The following SLC6A19 variants were observed in gnomAD, a reference collection of about 807,000 sequenced individuals.
SLC6A19 encodes the protein solute carrier family 6 member 19.
A neutral mutation model predicts 68.3 loss-of-function variants in SLC6A19; 67 were observed. The observed-to-expected ratio is 0.98, with a 90% CI of 0.81 to 1.20. The LOEUF (loss-of-function observed/expected upper bound fraction) is 1.20. Ranked by LOEUF, SLC6A19 falls within the 50% of genes most tolerant of loss-of-function variation. The probability of loss-of-function intolerance (pLI) is 0.00; values close to 1 mark genes in which losing one functional copy is unlikely to be tolerated. For synonymous variants in SLC6A19, 392 were observed against 374.9 expected (o/e 1.05, Z -0.53); for missense variants, 813 against 851.6 (o/e 0.95, Z 0.56).
chr5:1,207,030 A>T (rs970696511), intron 1 of SLC6A19, among the ~76,000 whole-genome samples: 1 of 152,176 alleles, frequency 6.6e-6, no homozygotes, highest in African/African-American at 2.4e-5. Context: ...GGCAGGCGCG[A>T]CGGGAGCTGC....
In SLC6A19 at chr5:1,221,785, A is replaced by G; in HGVS notation, c.1786A>G (p.Thr596Ala). The stretch of plus-strand genomic sequence containing the variant: ...GATTGTGGCTGGAGTGCCCTCCCTC[A>G]CCATCCCTGGCTATGCCATCTACAA... ...VVIVAGVPSL[T>A]IPGYAIYKLI... Residue 596 changes from threonine to alanine, a missense_variant, in exon 12 of 12, where the codon ACC becomes GCC. Transcript: ENST00000304460. 6.2e-7 allele frequency: 1 copy of G among 1,614,032 alleles called. No individual in the cohort carries two copies. Among genetic ancestry groups the G allele is most frequent in the Non-Finnish European group, 8.5e-7 (1 of 1,179,974 alleles).
At position 1,215,400 on chromosome 5, in the gene SLC6A19, G is replaced by T. The variant is rs184790353; in HGVS notation, c.888-1158G>T. Among the ~76,000 whole-genome samples, 1 of 152,304 alleles carries T rather than the reference G, an allele frequency of 6.6e-6. No homozygotes were observed. Among genetic ancestry groups the T allele is most frequent in the South Asian group, 2.1e-4 (1 of 4,828 alleles). The stretch of plus-strand genomic sequence containing the variant: ...AAAAGCTCCACATATGTGAGCAGCC[G>T]CTCCCCAGTGCCCTGTCCTCCTGCC... On this transcript the variant is annotated intron_variant, in intron 6 of 11. Transcript: ENST00000304460. The surrounding 1 kb of genome is among the most constrained non-coding windows in gnomAD (Gnocchi z 5.1).
chr5:1,222,568 G>T lies in SLC6A19; in HGVS notation c.*664G>T. 1 of 356,474 alleles carries T rather than the reference G, an allele frequency of 2.8e-6. No individual in the cohort carries two copies. The highest frequency in any genetic ancestry group is 5.1e-6 in the Non-Finnish European group (1 of 197,108). 22.1% of individuals were successfully genotyped at this position (356,474 alleles called of 1,614,324 possible). A position where few individuals can be genotyped will look rare whatever the true frequency, so the allele number is the denominator to read the frequency against. On this transcript the variant is annotated 3_prime_UTR_variant, in exon 12 of 12. Coordinates refer to ENST00000304460, the MANE Select transcript of SLC6A19 (RefSeq NM_001003841.3). The stretch of plus-strand genomic sequence containing the variant: ...GTGTGTTGTGTATATGTGTGTGTCT[G>T]TACCTGTTTGTGTATATGTGTGTGA...
intron 1 of SLC6A19, among the ~76,000 whole-genome samples, chr5:1,207,088 T>C (rs532668223): frequency 2.0e-5 from 3 of 152,348 alleles, no homozygotes; most frequent in South Asian, 2.1e-4. Context: ...GGAGACGCAC[T>C]GCGCGGTGCC....
At chr5:1,218,148 C>T (rs374883363) in intron 8 of SLC6A19, among the ~76,000 whole-genome samples, 1 of 152,228 alleles carries the variant, frequency 6.6e-6, no homozygotes, top group African/African-American at 2.4e-5. Context: ...TCAGAGCCCT[C>T]CACAAGCCAC....
chr5:1,219,548 G>T lies in SLC6A19; in HGVS notation c.1422G>T (p.Thr474=), dbSNP rs544821069. The change falls in exon 10 of 12, where the codon ACG becomes ACT. Residue 474 remains threonine, a synonymous_variant. Coordinates refer to ENST00000304460, the MANE Select transcript of SLC6A19 (RefSeq NM_001003841.3). The stretch of plus-strand genomic sequence containing the variant: ...CATTCCTCATTGGCTTCATCTTCAC[G>T]CTGAACTCCGGCCAGTACTGGCTCT... The part of the protein sequence containing the change: ...LGTFLIGFIF[T]LNSGQYWLSL... 4 of 1,612,370 alleles carry T rather than the reference G, an allele frequency of 2.5e-6. No individual in the cohort carries two copies. In the South Asian group the frequency reaches 4.4e-5, roughly 18 times the overall value.
At chr5:1,210,378 A>T in intron 2 of SLC6A19, 66 bp from the exon 3 acceptor site, 1 of 1,602,766 alleles carries the variant, frequency 6.2e-7, no homozygotes, top group Non-Finnish European at 8.5e-7. Context: ...TCCTGCTCAG[A>T]GTGGGGATGG....
rs1314948822 is a variant in SLC6A19, at chr5:1,222,584, A to G, written c.*680A>G. On this transcript the variant is annotated 3_prime_UTR_variant, in exon 12 of 12. Coordinates refer to ENST00000304460, the MANE Select transcript of SLC6A19 (RefSeq NM_001003841.3). ...TGTGTGTCTGTACCTGTTTGTGTAT[A>G]TGTGTGTGATGTGTGCTCGTGTGTG... is the stretch of plus-strand genomic sequence containing the variant. 9 of 323,870 alleles carry G rather than the reference A, an allele frequency of 2.8e-5. No homozygotes were observed. Among genetic ancestry groups the G allele is most frequent in the Non-Finnish European group, 4.5e-5 (8 of 176,354 alleles). The allele number at this position is 323,870 out of a possible 1,614,324, so 20.1% of individuals were successfully genotyped here. A position where few individuals can be genotyped will look rare whatever the true frequency, so the allele number is the denominator to read the frequency against.
At chr5:1,210,054 C>T (rs1298093816) in intron 2 of SLC6A19, among the ~76,000 whole-genome samples, 1 of 152,232 alleles carries the variant, frequency 6.6e-6, no homozygotes, top group African/African-American at 2.4e-5. Context: ...TGGGCAGTCC[C>T]CCAGCCCGTA....
chr5:1,221,013 G>T, intron 10 of SLC6A19, 138 bp from the exon 11 acceptor site: 2 of 1,045,890 alleles, frequency 1.9e-6, no homozygotes, highest in Non-Finnish European at 2.8e-6. Flanking sequence ...ATGACCAGGA[G>T]GGAGGGATCG....
Position 1,215,529 on chromosome 5 carries a change from G to C in SLC6A19, c.888-1029G>C, listed in dbSNP as rs926121895. Among the ~76,000 whole-genome samples the C allele has an allele frequency of 6.6e-6, 1 of 152,240 alleles. No individual in the cohort carries two copies. Among genetic ancestry groups the C allele is most frequent in the African/African-American group, 2.4e-5 (1 of 41,456 alleles). On this transcript the variant is annotated intron_variant, in intron 6 of 11. Coordinates refer to ENST00000304460, the MANE Select transcript of SLC6A19 (RefSeq NM_001003841.3). This position sits in a 1 kb window ranked among gnomAD's most constrained non-coding sequence, Gnocchi z 5.1. ...TGCCACAGCCCTGTGTCTGATCCTT[G>C]CATGGGGCACAACATCCTCAAGGCT...
At chr5:1,218,643 C>A (rs1382316434) in intron 8 of SLC6A19, among the ~76,000 whole-genome samples, 2 of 152,194 alleles carry the variant, frequency 1.3e-5, no homozygotes, top group Non-Finnish European at 2.9e-5. Flanking sequence ...TCAGAAGCTC[C>A]CTGTGTTGGG....
chr5:1,209,021 A>G lies in SLC6A19; in HGVS notation c.343+135A>G. On this transcript the variant is annotated intron_variant, in intron 2 of 11. Coordinates refer to ENST00000304460, the MANE Select transcript of SLC6A19 (RefSeq NM_001003841.3). This position sits in a 1 kb window ranked among gnomAD's most constrained non-coding sequence, Gnocchi z 5.5. ...TTCCCTGTCTGTTTCTGGTGCAACA[A>G]AGGTCCCAGCTTCATCTCCTGGAGG... 8.1e-7 allele frequency: 1 copy of G among 1,234,122 alleles called. No individual in the cohort carries two copies. The allele number at this position is 1,234,122 out of a possible 1,614,324, so 76.4% of individuals were successfully genotyped here. A position where few individuals can be genotyped will look rare whatever the true frequency, so the allele number is the denominator to read the frequency against.
chr5:1,206,569 G>T (rs148591058), intron 1 of SLC6A19, among the ~76,000 whole-genome samples: 1 of 152,190 alleles, frequency 6.6e-6, no homozygotes, highest in African/African-American at 2.4e-5. Flanking sequence ...AGGGAGCTCA[G>T]GGTGTAAGAG....
At chr5:1,207,848 A>G (rs1745899803) in intron 1 of SLC6A19, among the ~76,000 whole-genome samples, 1 of 152,224 alleles carries the variant, frequency 6.6e-6, no homozygotes, top group African/African-American at 2.4e-5. Context: ...ATTAAATAGC[A>G]TCATATTTCA....
rs200745023 is a variant in SLC6A19 at position 1,213,524 on chromosome 5, T to C, written c.725T>C (p.Leu242Pro). Reference protein sequence around the residue: ...VVLTIFLIRGLTLKGATNGIV... With the variant: ...VVLTIFLIRGPTLKGATNGIV... ...CTGACCATCTTCCTCATCCGAGGCC[T>C]GACGCTGAAGGGCGCCACCAATGGC... is the stretch of plus-strand genomic sequence containing the variant. The change falls in exon 5 of 12, where the codon CTG becomes CCG. Residue 242 changes from leucine to proline, a missense_variant. By Grantham distance (98) the Leu-to-Pro change is moderately conservative. Coordinates refer to ENST00000304460, the MANE Select transcript of SLC6A19 (RefSeq NM_001003841.3). 191 of 1,608,264 alleles carry C rather than the reference T, an allele frequency of 1.2e-4. No homozygotes were observed. The highest frequency in any genetic ancestry group is 1.7e-4 in the South Asian group (15 of 90,842).
chr5:1,213,603 A>G, intron 5 of SLC6A19, 30 bp downstream of exon 5: 4 of 1,584,288 alleles, frequency 2.5e-6, no homozygotes, highest in Non-Finnish European at 3.5e-6. Context: ...CTGGGCCCAG[A>G]CCCCGGGAGA....
In SLC6A19 at chr5:1,212,409, G is replaced by T; in HGVS notation, c.588G>T (p.Trp196Cys). 6.2e-7 allele frequency: 1 copy of T among 1,612,932 alleles called. No homozygotes were observed. The highest frequency in any genetic ancestry group is 8.5e-7 in the Non-Finnish European group (1 of 1,179,942). ...SISDSGSIQW[W>C]MLLCLACAWS... The stretch of plus-strand genomic sequence containing the variant: ...GCGACTCGGGCTCCATCCAGTGGTG[G>T]ATGCTGCTGTGCCTGGCCTGCGCAT... Residue 196 changes from tryptophan to cysteine, a missense_variant, in exon 4 of 12, where the codon TGG (tryptophan) becomes TGT (cysteine). Trp to Cys is a radical substitution (Grantham distance 215). Coordinates refer to ENST00000304460, the MANE Select transcript of SLC6A19 (RefSeq NM_001003841.3). The surrounding 1 kb of genome is among the most constrained non-coding windows in gnomAD (Gnocchi z 5.1).
chr5:1,207,978 G>A (rs774929895), intron 1 of SLC6A19, among the ~76,000 whole-genome samples: 5 of 152,158 alleles, frequency 3.3e-5, no homozygotes, highest in Non-Finnish European at 7.3e-5. Flanking sequence ...AGACAAGACC[G>A]TTGTCACAGC....
Sources: gnomAD v4.1 joint callset for allele counts (sites outside exome capture counted in the v4.1 genomes callset) on GRCh38, gnomAD v4.1.1 for gene constraint, Gnocchi (gnomAD v3.1) non-coding constraint, MANE v1.5 for transcripts, NCBI Gene and HGNC (gene_info 2026-07-23, HGNC 2026-07-21) for gene names.